VPS13A: variants seen among roughly 807,000 people sequenced by gnomAD.
VPS13A encodes the protein vacuolar protein sorting 13 homolog A.
VPS13A carries 264 observed loss-of-function variants against 390.9 expected under a neutral mutation model. The observed-to-expected ratio is 0.68, with a 90% confidence interval of 0.61 to 0.75. The LOEUF (loss-of-function observed/expected upper bound fraction) is 0.75, where lower values mean the gene tolerates loss of function less well. Ranked by LOEUF, VPS13A falls within the 30% of genes least tolerant of loss-of-function variation. The pLI is 0.00. For missense variants in VPS13A, 3,409 were observed against 3,733.9 expected (o/e 0.91, Z 2.27); for synonymous variants, 1,231 against 1,227.1 (o/e 1.00, Z -0.07).
In VPS13A at chr9:77,416,815, A is replaced by T. The variant is rs1314477337; in HGVS notation, c.*809A>T. ...AAGGAGAATTTTTAAAGCCTTAACA[A>T]TGCCTACTTTCCATTCACTGTTAAC... On this transcript the variant is annotated 3_prime_UTR_variant, in exon 72 of 72. Coordinates refer to ENST00000360280, the MANE Select transcript of VPS13A (RefSeq NM_033305.3). 6.6e-6 allele frequency: 1 copy of T among 152,614 alleles called. No individual in the cohort carries two copies. Among genetic ancestry groups the T allele is most frequent in the Non-Finnish European group, 1.5e-5 (1 of 68,030 alleles). The allele number at this position is 152,614 out of a possible 1,614,324, so 9.5% of individuals were successfully genotyped here. A position where few individuals can be genotyped will look rare whatever the true frequency, so the allele number is the denominator to read the frequency against.
At chr9:77,398,268 G>A (rs974756313) in intron 68 of VPS13A, among the ~76,000 whole-genome samples, 1 of 152,140 alleles carries the variant, frequency 6.6e-6, no homozygotes, top group African/African-American at 2.4e-5. Flanking sequence ...CTGATACCAT[G>A]AGGAAGAAAC....
At chr9:77,370,815 T>C in intron 65 of VPS13A, 75 bp from the exon 66 acceptor site, 1 of 1,583,964 alleles carries the variant, frequency 6.3e-7, no homozygotes, top group Non-Finnish European at 8.7e-7. Flanking sequence ...TCTGTATTTT[T>C]TGTGTAATCC....
intron 56 of VPS13A, 32 bp downstream of exon 56, chr9:77,357,870 TATTCTAAAGGA>T: frequency 1.3e-6 from 2 of 1,590,150 alleles, no homozygotes; most frequent in Non-Finnish European, 1.7e-6. Context: ...GGCAAAATTG[TATTCTAAAGGA>T]ATGCAATAAG....
At chr9:77,391,555 ACT>A (rs1269654960) in intron 68 of VPS13A, among the ~76,000 whole-genome samples, 1 of 152,132 alleles carries the variant, frequency 6.6e-6, no homozygotes, top group African/African-American at 2.4e-5. Context: ...TCTAATGATG[ACT>A]CTAATGAATT....
Position 77,416,884 on chromosome 9 carries a change from C to G in VPS13A, c.*878C>G, listed in dbSNP as rs1835185872. On this transcript the variant is annotated 3_prime_UTR_variant, in exon 72 of 72. Transcript: ENST00000360280. ...CCAACATCTTAGATAGTGTATTATG[C>G]TTCCAACAGACAGTCCCTCTCATAT... The G allele has an allele frequency of 1.3e-5, 2 of 152,706 alleles. No individual in the cohort carries two copies. The highest frequency in any genetic ancestry group is 6.8e-3 in the Middle Eastern group (2 of 294). 9.5% of individuals were successfully genotyped at this position (152,706 alleles called of 1,614,324 possible).
chr9:77,273,061 G>A (rs948958419), intron 23 of VPS13A, among the ~76,000 whole-genome samples: 5 of 152,214 alleles, frequency 3.3e-5, no homozygotes, highest in African/African-American at 1.2e-4. Flanking sequence ...TATTAAAACA[G>A]TTCTACAATT....
intron 68 of VPS13A, among the ~76,000 whole-genome samples, chr9:77,399,692 G>A (rs1834287270): frequency 6.6e-6 from 1 of 152,048 alleles, no homozygotes. Context: ...TCAAAAAACT[G>A]AAACAGAATA....
chr9:77,209,761 A>G (rs1278318946), intron 6 of VPS13A, among the ~76,000 whole-genome samples: 2 of 152,162 alleles, frequency 1.3e-5, no homozygotes, highest in African/African-American at 4.8e-5. Flanking sequence ...CATGAAGGAA[A>G]TGCCTTGGGA....
chr9:77,179,768 T>C (rs1324785108), intron 1 of VPS13A, among the ~76,000 whole-genome samples: 1 of 140,772 alleles, frequency 7.1e-6, no homozygotes, highest in Non-Finnish European at 1.6e-5. Context: ...TTTTTTAGTA[T>C]AGTCACAAAA....
chr9:77,357,336 A>G (rs1224904754), intron 55 of VPS13A, among the ~76,000 whole-genome samples: 2 of 150,354 alleles, frequency 1.3e-5, no homozygotes, highest in Non-Finnish European at 3.0e-5. Flanking sequence ...AAAAAAAAAA[A>G]AAAAAAGAAA....
intron 54 of VPS13A, among the ~76,000 whole-genome samples, chr9:77,354,611 A>G (rs1266440248): frequency 6.6e-6 from 1 of 152,172 alleles, no homozygotes; most frequent in Non-Finnish European, 1.5e-5. Flanking sequence ...TAAGTAACAT[A>G]TGAAAGTAAC....
chr9:77,272,537 G>A (rs555228468), intron 23 of VPS13A, among the ~76,000 whole-genome samples: 1 of 152,296 alleles, frequency 6.6e-6, no homozygotes, highest in Admixed American at 6.5e-5. Context: ...TATCAGTGTG[G>A]TTAAAATTTA....
intron 10 of VPS13A, among the ~76,000 whole-genome samples, chr9:77,216,847 T>G (rs930217475): frequency 7.9e-5 from 12 of 152,156 alleles, no homozygotes; most frequent in African/African-American, 2.9e-4. Context: ...TTTGAATGTT[T>G]GAGGGCAGGA....
intron 13 of VPS13A, among the ~76,000 whole-genome samples, chr9:77,223,753 G>C (rs1823354175): frequency 6.6e-6 from 1 of 152,138 alleles, no homozygotes; most frequent in East Asian, 1.9e-4. Context: ...AGTGCTGATG[G>C]AGAAGCTGCA....
intron 1 of VPS13A, among the ~76,000 whole-genome samples, chr9:77,197,005 A>AT (rs1589981572): frequency 1.3e-5 from 2 of 151,960 alleles, no homozygotes; most frequent in Admixed American, 6.6e-5. Flanking sequence ...ACCAGCATTT[A>AT]TTTTTTTGTC....
rs1453912435 is a variant in VPS13A at position 77,345,099 on chromosome 9, T to C, written c.7246T>C (p.Leu2416=). 12 of 1,613,174 alleles carry C rather than the reference T, an allele frequency of 7.4e-6. 1 individual carries two copies. Among genetic ancestry groups the C allele is most frequent in the Middle Eastern group, 1.6e-4 (1 of 6,076 alleles). Residue 2416 remains leucine, a synonymous_variant, in exon 52 of 72, where the codon TTA becomes CTA. Coordinates refer to ENST00000360280, the MANE Select transcript of VPS13A (RefSeq NM_033305.3). ...TCATGATGGAGCAGCTACATTCCTC[T>C]TAATAAATCACACAAAGAATGAACT... ...DYHDGAATFL[L]INHTKNELVQ...
chr9:77,285,268 A>G (rs981404424), intron 31 of VPS13A, among the ~76,000 whole-genome samples: 2 of 152,124 alleles, frequency 1.3e-5, no homozygotes, highest in African/African-American at 4.8e-5. Flanking sequence ...GTACAGCGAT[A>G]TATATTATTG....
chr9:77,416,078 G>T lies in VPS13A; in HGVS notation c.*72G>T. 6.6e-7 allele frequency: 1 copy of T among 1,522,332 alleles called. No homozygotes were observed. The highest frequency in any genetic ancestry group is 1.1e-5 in the South Asian group (1 of 88,974). 94.3% of individuals were successfully genotyped at this position (1,522,332 alleles called of 1,614,324 possible). A position where few individuals can be genotyped will look rare whatever the true frequency, so the allele number is the denominator to read the frequency against. ...CTAGACTACCTTCCAAAACCTGTTTGGGAAGCATATTACAGAAATGATTTC... is the reference window on the plus strand; with the variant it reads ...CTAGACTACCTTCCAAAACCTGTTTTGGAAGCATATTACAGAAATGATTTC... On this transcript the variant is annotated 3_prime_UTR_variant, in exon 72 of 72. Coordinates refer to ENST00000360280, the MANE Select transcript of VPS13A (RefSeq NM_033305.3).
At chr9:77,181,329 T>A (rs1389303344) in intron 1 of VPS13A, among the ~76,000 whole-genome samples, 1 of 151,670 alleles carries the variant, frequency 6.6e-6, no homozygotes, top group Non-Finnish European at 1.5e-5. Context: ...GCCAATGTGG[T>A]GAAACCTCAT....
Sources: allele counts gnomAD v4.1 joint callset (sites outside exome capture counted in the v4.1 genomes callset), GRCh38; gene constraint gnomAD v4.1.1; transcripts MANE v1.5; gene names NCBI Gene and HGNC (gene_info 2026-07-23, HGNC 2026-07-21).